CSMD1: variants seen among roughly 807,000 people sequenced by gnomAD.
CSMD1 encodes the protein CUB and Sushi multiple domains 1.
In CSMD1, 213 loss-of-function variants were observed where a neutral mutation model predicts 417.5. The ratio of observed to expected loss-of-function variants is 0.51; its 90% CI spans 0.46 to 0.57. The LOEUF (loss-of-function observed/expected upper bound fraction) is 0.57, where lower values mean the gene tolerates loss of function less well. CSMD1 is among the 20% of genes least tolerant of loss of function. The pLI, the probability that CSMD1 is intolerant of heterozygous loss-of-function variation, is 0.00. For synonymous variants in CSMD1, 2,862 were observed against 1,736.8 expected (o/e 1.65, Z -16.11); for missense variants, 6,923 against 4,529.7 (o/e 1.53, Z -15.17).
At chr8:4,509,107 A>G (rs991480694) in intron 2 of CSMD1, among the ~76,000 whole-genome samples, 1 of 152,180 alleles carries the variant, frequency 6.6e-6, no homozygotes, top group African/African-American at 2.4e-5. Context: ...AAAAGAAAAT[A>G]CTTGGAATGA....
intron 1 of CSMD1, among the ~76,000 whole-genome samples, chr8:4,751,177 G>C (rs1811302411): frequency 1.3e-5 from 2 of 152,162 alleles, no homozygotes; most frequent in Non-Finnish European, 2.9e-5. Flanking sequence ...CTGAGGTAAG[G>C]AATTCCAGAC....
intron 33 of CSMD1, among the ~76,000 whole-genome samples, chr8:3,198,782 A>G (rs1796836660): frequency 6.6e-6 from 1 of 152,232 alleles, no homozygotes; most frequent in African/African-American, 2.4e-5. Context: ...AATAGTATCA[A>G]TAATGTTTTC....
At chr8:4,809,638 A>G (rs932208096) in intron 1 of CSMD1, among the ~76,000 whole-genome samples, 1 of 152,210 alleles carries the variant, frequency 6.6e-6, no homozygotes, top group Non-Finnish European at 1.5e-5. Context: ...CAAGCCACAT[A>G]TGTAATTTTA....
intron 17 of CSMD1, 100 bp downstream of exon 17, chr8:3,396,094 A>C: frequency 2.0e-6 from 2 of 1,011,380 alleles, no homozygotes; most frequent in Non-Finnish European, 2.9e-6. Flanking sequence ...CAGGATCAGT[A>C]AACTAGCACA....
chr8:3,024,783 A>T (rs73181706), intron 51 of CSMD1, among the ~76,000 whole-genome samples: 7 of 152,140 alleles, frequency 4.6e-5, no homozygotes, highest in Admixed American at 4.6e-4. Context: ...CAAGTAAATA[A>T]AATCAAGAAT....
At chr8:3,372,674 C>T (rs1810041098) in intron 18 of CSMD1, among the ~76,000 whole-genome samples, 2 of 152,110 alleles carry the variant, frequency 1.3e-5, no homozygotes, top group Non-Finnish European at 2.9e-5. Context: ...CTCAGGAGAA[C>T]CAGGTCATGA....
chr8:3,881,944 T>G (rs1178913214), intron 5 of CSMD1, among the ~76,000 whole-genome samples: 1 of 152,126 alleles, frequency 6.6e-6, no homozygotes, highest in Non-Finnish European at 1.5e-5. Flanking sequence ...CCACAGAGAT[T>G]ACAGATCTGA....
chr8:4,587,636 C>T (rs1395147295), intron 2 of CSMD1, among the ~76,000 whole-genome samples: 1 of 152,052 alleles, frequency 6.6e-6, no homozygotes, highest in Non-Finnish European at 1.5e-5. Context: ...CTCATGATCA[C>T]GATCTCATTT....
chr8:4,849,396 G>C (rs1370718579), intron 1 of CSMD1, among the ~76,000 whole-genome samples: 1 of 151,620 alleles, frequency 6.6e-6, no homozygotes, highest in Non-Finnish European at 1.5e-5. Context: ...ATAGAATAAA[G>C]AAAAAAATAC....
In CSMD1 at chr8:3,108,643, G is replaced by A. The variant is rs369976310; in HGVS notation, c.6714C>T (p.Ser2238=). The change falls in exon 44 of 70, where the codon AGC becomes AGT. Residue 2238 remains serine, a synonymous_variant. Coordinates refer to ENST00000635120, the MANE Select transcript of CSMD1 (RefSeq NM_033225.6). ...STNQVLLKFH[S]DFSNGGFFVL... ...CAAAGAAGCCTCCATTTGAAAAGTC[G>A]CTGTGGAACTTGAGCAGGACTTGGT... is the stretch of plus-strand genomic sequence containing the variant. 89 of 1,613,602 alleles carry A rather than the reference G, an allele frequency of 5.5e-5. No individual in the cohort carries two copies. Among genetic ancestry groups the A allele is most frequent in the Non-Finnish European group, 6.7e-5 (79 of 1,179,806 alleles).
intron 3 of CSMD1, among the ~76,000 whole-genome samples, chr8:4,044,973 A>G (rs1798075887): frequency 6.6e-6 from 1 of 152,246 alleles, no homozygotes; most frequent in Non-Finnish European, 1.5e-5. Context: ...CATCTTGTTC[A>G]CGGAGGAGTT....
chr8:4,132,753 G>C (rs1258365640), intron 3 of CSMD1, among the ~76,000 whole-genome samples: 1 of 152,136 alleles, frequency 6.6e-6, no homozygotes, highest in African/African-American at 2.4e-5. Flanking sequence ...AGATAGTGTT[G>C]ATGTTCTCTA....
intron 30 of CSMD1, among the ~76,000 whole-genome samples, chr8:3,211,707 C>T (rs947097151): frequency 1.3e-5 from 2 of 152,190 alleles, no homozygotes; most frequent in Non-Finnish European, 2.9e-5. Context: ...CTGCAGGGCG[C>T]ACCTTTCAGT....
intron 17 of CSMD1, among the ~76,000 whole-genome samples, chr8:3,391,742 A>AT (rs1202643477): frequency 1.3e-5 from 2 of 152,206 alleles, no homozygotes; most frequent in Admixed American, 1.3e-4. Flanking sequence ...CGCTGCAAAT[A>AT]TAAGTCAGCC....
chr8:4,139,842 C>T (rs1803674537), intron 3 of CSMD1, among the ~76,000 whole-genome samples: 1 of 150,808 alleles, frequency 6.6e-6, no homozygotes, highest in African/African-American at 2.5e-5. Flanking sequence ...AGCAGAAGAA[C>T]AAAGTGATCA....
intron 5 of CSMD1, among the ~76,000 whole-genome samples, chr8:3,856,589 A>G (rs1804329603): frequency 6.6e-6 from 1 of 152,158 alleles, no homozygotes; most frequent in African/African-American, 2.4e-5. Context: ...ACTGTATTCT[A>G]ATTTGCCATA....
At chr8:3,405,743 T>C (rs1458238216) in intron 15 of CSMD1, among the ~76,000 whole-genome samples, 2 of 152,132 alleles carry the variant, frequency 1.3e-5, no homozygotes, top group Non-Finnish European at 2.9e-5. Context: ...TCTCCAGCCA[T>C]GGAATGCCAG....
At chr8:3,946,882 T>C (rs767403881) in intron 5 of CSMD1, among the ~76,000 whole-genome samples, 5 of 152,196 alleles carry the variant, frequency 3.3e-5, no homozygotes, top group African/African-American at 1.2e-4. Context: ...TGTATCGATT[T>C]ATATTGTGAT....
chr8:3,809,433 G>C (rs1408478604), intron 5 of CSMD1, among the ~76,000 whole-genome samples: 1 of 152,216 alleles, frequency 6.6e-6, no homozygotes, highest in Admixed American at 6.5e-5. Flanking sequence ...TCCATCAAAA[G>C]TGATTAGTAC....
Sources: allele counts gnomAD v4.1 joint callset (sites outside exome capture counted in the v4.1 genomes callset), GRCh38; gene constraint gnomAD v4.1.1; transcripts MANE v1.5; gene names NCBI Gene and HGNC (gene_info 2026-07-23, HGNC 2026-07-21).